BCAS3: variants seen among roughly 807,000 people sequenced by gnomAD.
BCAS3 encodes the protein BCAS4/BCAS3 fusion.
BCAS3 carries 53 observed loss-of-function variants against 116.1 expected under a neutral mutation model. The ratio of observed to expected loss-of-function variants is 0.46; its 90% CI spans 0.37 to 0.57. BCAS3 has a LOEUF of 0.57. BCAS3 is among the 20% of genes least tolerant of loss of function. BCAS3 has a pLI of 0.00. For missense variants in BCAS3, 917 were observed against 1,165.4 expected, an observed-to-expected ratio of 0.79 and a Z score of 3.10; for synonymous variants, 391 against 408.2, an observed-to-expected ratio of 0.96 and a Z score of 0.51.
chr17:60,964,231 G>C lies in BCAS3; in HGVS notation c.1221+16879G>C, dbSNP rs575874901. Among the ~76,000 whole-genome samples, 9 of 151,678 alleles carry C rather than the reference G, an allele frequency of 5.9e-5. No homozygotes were observed. The highest frequency in any genetic ancestry group is 2.2e-4 in the African/African-American group (9 of 41,368). On this transcript the variant is annotated intron_variant, in intron 14 of 23. Transcript: ENST00000407086. The surrounding 1 kb of genome is among the most constrained non-coding windows in gnomAD (Gnocchi z 4.6). ...TGTTTCTATACCCATTTTGATTAGG[G>C]GTTTTTTTATATCATAAAGGATGTT... is the stretch of plus-strand genomic sequence containing the variant.
chr17:60,762,374 G>C (rs1486836026), intron 6 of BCAS3, among the ~76,000 whole-genome samples: 1 of 152,108 alleles, frequency 6.6e-6, no homozygotes, highest in Non-Finnish European at 1.5e-5. Context: ...ATTAATTTTT[G>C]TGTAAAGTGT....
intron 22 of BCAS3, among the ~76,000 whole-genome samples, chr17:61,148,706 A>G (rs2077381263): frequency 6.6e-6 from 1 of 152,014 alleles, no homozygotes; most frequent in Admixed American, 6.6e-5. Flanking sequence ...GTATTTGCGC[A>G]CTCTCAACAC....
chr17:61,036,519 G>A (rs1258816068), intron 17 of BCAS3: 1 of 152,114 alleles, frequency 6.6e-6, no homozygotes, highest in Non-Finnish European at 1.5e-5. Context: ...CCTCTGAGAA[G>A]CTCGATTTCA....
Position 61,233,788 on chromosome 17 carries a change from A to G in BCAS3, c.2426-134539A>G, listed in dbSNP as rs763963008. ...TAATAAAATTTTATGCAGGACCCCAATCTATAAAACAGATACAAGAGGAGA... is the reference window on the plus strand; with the variant it reads ...TAATAAAATTTTATGCAGGACCCCAGTCTATAAAACAGATACAAGAGGAGA... On this transcript the variant is annotated intron_variant, in intron 22 of 23. Coordinates refer to ENST00000407086, the MANE Select transcript of BCAS3 (RefSeq NM_017679.5). This position sits in a 1 kb window ranked among gnomAD's most constrained non-coding sequence, Gnocchi z 4.3. Among the ~76,000 whole-genome samples, 1 of 152,164 alleles carries G rather than the reference A, an allele frequency of 6.6e-6. No individual in the cohort carries two copies. The highest frequency in any genetic ancestry group is 1.5e-5 in the Non-Finnish European group (1 of 68,026).
intron 22 of BCAS3, among the ~76,000 whole-genome samples, chr17:61,182,845 G>A (rs1179790110): frequency 6.6e-6 from 1 of 152,234 alleles, no homozygotes; most frequent in Non-Finnish European, 1.5e-5. Flanking sequence ...GACTATGTCA[G>A]CACTTTGTTC....
At chr17:60,714,370 T>C (rs2038304653) in intron 5 of BCAS3, among the ~76,000 whole-genome samples, 1 of 152,128 alleles carries the variant, frequency 6.6e-6, no homozygotes, top group African/African-American at 2.4e-5. Context: ...TCCCTCTTGT[T>C]GAGTTTAATA....
intron 22 of BCAS3, among the ~76,000 whole-genome samples, chr17:61,092,813 T>A (rs2143603018): frequency 6.6e-6 from 1 of 152,174 alleles, no homozygotes; most frequent in East Asian, 1.9e-4. Flanking sequence ...ACTTTCTTAA[T>A]GGTATCTTTT....
At chr17:61,108,166 T>C (rs533609344) in intron 22 of BCAS3, among the ~76,000 whole-genome samples, 3 of 152,328 alleles carry the variant, frequency 2.0e-5, no homozygotes, top group African/African-American at 7.2e-5. Context: ...TTATATAATG[T>C]CTTTCTCTTA....
chr17:60,819,715 C>T (rs766153814), intron 7 of BCAS3, among the ~76,000 whole-genome samples: 8 of 151,940 alleles, frequency 5.3e-5, no homozygotes, highest in Admixed American at 2.0e-4. Flanking sequence ...ATCCTTCCTC[C>T]CTTCCCCTCC....
intron 7 of BCAS3, among the ~76,000 whole-genome samples, chr17:60,819,161 T>C (rs1224820003): frequency 6.6e-6 from 1 of 152,224 alleles, no homozygotes; most frequent in Non-Finnish European, 1.5e-5. Flanking sequence ...GCTAATTGTG[T>C]ACATTTTTCA....
rs1262627351 is a variant in BCAS3, at chr17:61,017,873, G to T, written c.1637+1972G>T. On this transcript the variant is annotated intron_variant, in intron 16 of 23. Coordinates refer to ENST00000407086, the MANE Select transcript of BCAS3 (RefSeq NM_017679.5). The surrounding 1 kb of genome is among the most constrained non-coding windows in gnomAD (Gnocchi z 4.7). Reference sequence around the variant, plus strand: ...GAATAGAAACTGTTAGTCATTTGGTGTCCTCCTGTGTTACTACACATTATG... The same window carrying T: ...GAATAGAAACTGTTAGTCATTTGGTTTCCTCCTGTGTTACTACACATTATG... 2.0e-5 allele frequency among the ~76,000 whole-genome samples: 3 copies of T among 152,036 alleles called. No homozygotes were observed. The highest frequency in any genetic ancestry group is 2.9e-5 in the Non-Finnish European group (2 of 67,992).
In BCAS3 at chr17:60,824,337, G is replaced by C. The variant is rs193276321; in HGVS notation, c.476+16261G>C. On this transcript the variant is annotated intron_variant, in intron 7 of 23. Transcript: ENST00000407086. ...TTTTATGATGATGATTTTCTGATGA[G>C]ACCCTTACCTTCAGCTCCTTTCTTC... Among the ~76,000 whole-genome samples, 10 of 152,260 alleles carry C rather than the reference G, an allele frequency of 6.6e-5. No individual in the cohort carries two copies. In the East Asian group the frequency reaches 1.7e-3, roughly 26 times the overall value.
chr17:60,757,742 T>A (rs191909071), intron 6 of BCAS3, among the ~76,000 whole-genome samples: 260 of 152,290 alleles, frequency 1.7e-3, no homozygotes, highest in African/African-American at 6.0e-3. Context: ...TTTCCTTTGC[T>A]GTATGGAAGC....
At chr17:60,834,152 C>G (rs1056868493) in intron 7 of BCAS3, among the ~76,000 whole-genome samples, 2 of 151,882 alleles carry the variant, frequency 1.3e-5, no homozygotes, top group Admixed American at 1.3e-4. Flanking sequence ...AGTTTTCAAA[C>G]AAAACATTTT....
chr17:60,998,566 T>C (rs1157200828), intron 15 of BCAS3, among the ~76,000 whole-genome samples: 1 of 152,170 alleles, frequency 6.6e-6, no homozygotes, highest in Non-Finnish European at 1.5e-5. Context: ...TGGTACCTTA[T>C]TGTAGCATCT....
chr17:60,755,686 C>T (rs1383339800), intron 6 of BCAS3, among the ~76,000 whole-genome samples: 1 of 152,080 alleles, frequency 6.6e-6, no homozygotes, highest in African/African-American at 2.4e-5. Flanking sequence ...ATTAGATATT[C>T]TTCTTTTCAA....
At chr17:61,009,230 C>T (rs1296766963) in intron 15 of BCAS3, among the ~76,000 whole-genome samples, 1 of 151,990 alleles carries the variant, frequency 6.6e-6, no homozygotes, top group Non-Finnish European at 1.5e-5. Flanking sequence ...TGTCCTTTAG[C>T]TCTTTTTGCA....
At chr17:60,939,896 G>A (rs1258433934) in intron 13 of BCAS3, among the ~76,000 whole-genome samples, 5 of 152,114 alleles carry the variant, frequency 3.3e-5, no homozygotes, top group African/African-American at 7.2e-5. Flanking sequence ...ACACATGTAC[G>A]TAGGCATACA....
In BCAS3 at chr17:60,990,536, T is replaced by G. The variant is rs1007498289; in HGVS notation, c.1486+301T>G. On this transcript the variant is annotated intron_variant, in intron 15 of 23. Coordinates refer to ENST00000407086, the MANE Select transcript of BCAS3 (RefSeq NM_017679.5). This position sits in a 1 kb window ranked among gnomAD's most constrained non-coding sequence, Gnocchi z 5.1. Reference sequence around the variant, plus strand: ...TCAGAGAACTGAACATCCTTTTTACTTATCTCTTCCAGAACATTCTATGTT... The same window carrying G: ...TCAGAGAACTGAACATCCTTTTTACGTATCTCTTCCAGAACATTCTATGTT... 6.6e-6 allele frequency among the ~76,000 whole-genome samples: 1 copy of G among 152,232 alleles called. No homozygotes were observed. Among genetic ancestry groups the G allele is most frequent in the African/African-American group, 2.4e-5 (1 of 41,460 alleles).
Sources: allele counts gnomAD v4.1 joint callset (sites outside exome capture counted in the v4.1 genomes callset), GRCh38; gene constraint gnomAD v4.1.1; non-coding constraint Gnocchi (gnomAD v3.1); transcripts MANE v1.5; gene names NCBI Gene and HGNC (gene_info 2026-07-23, HGNC 2026-07-21).